Variants in ATXN3 observed in about 807,000 individuals in gnomAD.
ATXN3 encodes ataxin-3.
Under a neutral mutation model 58.2 loss-of-function variants are expected in ATXN3, and 28 were observed. That is an observed-to-expected ratio of 0.48 (90% confidence interval 0.36 to 0.66). The LOEUF (loss-of-function observed/expected upper bound fraction) is 0.66, where lower values mean the gene tolerates loss of function less well. ATXN3 is among the 30% of genes least tolerant of loss of function. The pLI, the probability that ATXN3 is intolerant of heterozygous loss-of-function variation, is 0.00. For synonymous variants in ATXN3, 113 were observed against 138.5 expected, an observed-to-expected ratio of 0.82 and a Z score of 1.29; for missense variants, 321 against 422.1, an observed-to-expected ratio of 0.76 and a Z score of 2.10.
At chr14:92,048,043 C>A (rs535899061) in intron 1 of ATXN3, 2 of 152,418 alleles carry the variant, frequency 1.3e-5, no homozygotes, top group Admixed American at 6.5e-5. Flanking sequence ...GTTCTAGGGG[C>A]CCTGGGAGTG....
At chr14:92,071,412 AC>A (rs1181918057) in intron 9 of ATXN3, among the ~76,000 whole-genome samples, 1 of 152,082 alleles carries the variant, frequency 6.6e-6, no homozygotes, top group East Asian at 1.9e-4. Context: ...CCTGGACAAC[AC>A]GGTGAAACCC....
intron 8 of ATXN3, among the ~76,000 whole-genome samples, chr14:92,081,502 A>G (rs2061480311): frequency 6.6e-6 from 1 of 151,414 alleles, no homozygotes; most frequent in Admixed American, 6.6e-5. Flanking sequence ...AAAAAAAAAA[A>G]AGAAAGAAAT....
intron 1 of ATXN3, among the ~76,000 whole-genome samples, chr14:92,099,233 C>A (rs1198633021): frequency 6.6e-6 from 1 of 152,182 alleles, no homozygotes; most frequent in East Asian, 1.9e-4. Context: ...ACACAGCAGA[C>A]TCTAAAGAGA....
chr14:92,096,304 C>G, intron 2 of ATXN3, 167 bp from the exon 3 acceptor site: 1 of 1,491,182 alleles, frequency 6.7e-7, no homozygotes, highest in Non-Finnish European at 8.9e-7. Context: ...AATGGCCCAT[C>G]CTTTTCTAAA....
intron 1 of ATXN3, among the ~76,000 whole-genome samples, chr14:92,101,342 C>T (rs759967924): frequency 6.7e-4 from 102 of 152,122 alleles, no homozygotes; most frequent in Non-Finnish European, 1.0e-3. Flanking sequence ...CAAAAAGACA[C>T]AAAATAAATA....
intron 9 of ATXN3, chr14:92,071,523 G>A (rs55750042): frequency 1.2e-3 from 398 of 333,046 alleles, no homozygotes; most frequent in Non-Finnish European, 2.1e-3. Flanking sequence ...CTTGAACCGG[G>A]GAGGTAGAGG....
At chr14:92,078,605 T>C (rs11849958) in intron 9 of ATXN3, among the ~76,000 whole-genome samples, 43,401 of 151,052 alleles carry the variant, frequency 0.29, 6,553 homozygotes, top group East Asian at 0.44. Flanking sequence ...TCAGGTGATC[T>C]GCCCACCTCA....
At chr14:92,077,352 C>CTT (rs111249502) in intron 9 of ATXN3, among the ~76,000 whole-genome samples, 9 of 147,424 alleles carry the variant, frequency 6.1e-5, no homozygotes, top group East Asian at 2.0e-4. Flanking sequence ...AGTATGCTTT[C>CTT]TTTTTTTTTT....
chr14:92,055,499 TAAAC>T (rs1325284834), downstream of ATXN3, among the ~76,000 whole-genome samples: 2 of 152,172 alleles, frequency 1.3e-5, no homozygotes, highest in African/African-American at 2.4e-5. The surrounding 1 kb of genome is among the most constrained non-coding windows in gnomAD (Gnocchi z 4.5). Flanking sequence ...CCATACTCGT[TAAAC>T]AACTCCTAAT....
At chr14:92,066,615 T>G (rs1314978948) in intron 10 of ATXN3, among the ~76,000 whole-genome samples, 1 of 145,554 alleles carries the variant, frequency 6.9e-6, no homozygotes, top group Non-Finnish European at 1.5e-5. Context: ...TTTTTTTTTT[T>G]TTTTTTTTTT....
At chr14:92,066,015 A>T (rs35865969) in intron 10 of ATXN3, among the ~76,000 whole-genome samples, 1 of 151,350 alleles carries the variant, frequency 6.6e-6, no homozygotes, top group Non-Finnish European at 1.5e-5. Context: ...CTGGTCTTGA[A>T]CTCCTGGGCT....
At chr14:92,083,908 T>C (rs1365719087) in intron 6 of ATXN3, among the ~76,000 whole-genome samples, 2 of 152,192 alleles carry the variant, frequency 1.3e-5, no homozygotes, top group Non-Finnish European at 2.9e-5. Context: ...GTGGAAGTAC[T>C]AGACTTGCTG....
chr14:92,074,306 G>A lies in ATXN3; in HGVS notation c.873-3253C>T, dbSNP rs959351957. ...CACACTACTGCACTCCAGCCTGGGC[G>A]ACAGACAAGACTCCGTCTCAAAAAA... On this transcript the variant is annotated intron_variant, in intron 9 of 10. Transcript: ENST00000644486. 4.6e-5 allele frequency among the ~76,000 whole-genome samples: 7 copies of A among 152,112 alleles called. No individual in the cohort carries two copies. The South Asian group carries it at 6.2e-4, about 14-fold the overall frequency.
upstream of ATXN3, chr14:92,050,258 G>C (rs750002124): frequency 7.9e-5 from 12 of 152,066 alleles, no homozygotes; most frequent in Non-Finnish European, 1.5e-4. Flanking sequence ...AAACTGGGTG[G>C]TGGGTACATA....
downstream of ATXN3, among the ~76,000 whole-genome samples, chr14:92,056,819 TA>T (rs1210158213): frequency 6.6e-6 from 1 of 152,112 alleles, no homozygotes; most frequent in Non-Finnish European, 1.5e-5. Context: ...CCATCTTGAA[TA>T]GGGGGTTGGT....
chr14:92,094,266 G>A (rs2064645538), intron 3 of ATXN3, among the ~76,000 whole-genome samples: 1 of 151,946 alleles, frequency 6.6e-6, no homozygotes, highest in Non-Finnish European at 1.5e-5. Flanking sequence ...AAGTGTGTGT[G>A]TATAGATATA....
In ATXN3 at chr14:92,064,234, TG is replaced by T; in HGVS notation, c.*85del. On this transcript the variant is annotated 3_prime_UTR_variant, in exon 11 of 11. Coordinates refer to ENST00000644486, the MANE Select transcript of ATXN3 (RefSeq NM_004993.6). ...TAAAAGTCTTATTTCCTCATCTCTT[TG>T]ACACATTACCAAAGTGGACCCTATG... 2 of 941,038 alleles carry T rather than the reference TG, an allele frequency of 2.1e-6. No individual in the cohort carries two copies. Among genetic ancestry groups the T allele is most frequent in the Non-Finnish European group, 3.2e-6 (2 of 616,964 alleles). The allele number at this position is 941,038 out of a possible 1,614,324, so 58.3% of individuals were successfully genotyped here.
At chr14:92,058,208 T>A (rs1459867566), downstream of ATXN3, 1 of 152,252 alleles carries the variant, frequency 6.6e-6, no homozygotes. Context: ...ACAACAGCGC[T>A]TCTCAAGCTT....
At chr14:92,068,868 G>A (rs1039730894) in intron 10 of ATXN3, among the ~76,000 whole-genome samples, 7 of 152,042 alleles carry the variant, frequency 4.6e-5, no homozygotes, top group South Asian at 4.1e-4. Flanking sequence ...GGGATTACAC[G>A]TGTGAGCCAC....
Sources: allele counts gnomAD v4.1 joint callset (sites outside exome capture counted in the v4.1 genomes callset), GRCh38; gene constraint gnomAD v4.1.1; non-coding constraint Gnocchi (gnomAD v3.1); transcripts MANE v1.5; gene names NCBI Gene and HGNC (gene_info 2026-07-23, HGNC 2026-07-21).